The following WDR20 variants were observed in gnomAD, a reference collection of about 807,000 sequenced individuals.
WDR20 encodes the protein WD repeat-containing protein 20.
A neutral mutation model predicts 38.7 loss-of-function variants in WDR20; 3 were observed. The ratio of observed to expected loss-of-function variants is 0.08; its 90% CI spans 0.04 to 0.20. The LOEUF (loss-of-function observed/expected upper bound fraction) is 0.20, where lower values mean the gene tolerates loss of function less well. WDR20 is among the 10% of genes least tolerant of loss of function. WDR20 has a pLI of 1.00. For missense variants in WDR20, 559 were observed against 727.7 expected, an observed-to-expected ratio of 0.77 and a Z score of 2.67; for synonymous variants, 298 against 285.6, an observed-to-expected ratio of 1.04 and a Z score of -0.44.
chr14:102,202,396 T>C (rs1232880110), intron 2 of WDR20, among the ~76,000 whole-genome samples: 1 of 141,218 alleles, frequency 7.1e-6, no homozygotes, highest in Non-Finnish European at 1.5e-5. Flanking sequence ...TTTTTTTTTT[T>C]TGAGACGGAG....
chr14:102,219,368 C>T (rs1043111589), downstream of WDR20, among the ~76,000 whole-genome samples: 7 of 152,228 alleles, frequency 4.6e-5, no homozygotes, highest in African/African-American at 1.4e-4. Flanking sequence ...GCATGCAGGG[C>T]GCCGAGGCCC....
chr14:102,161,406 T>C (rs995027219), intron 1 of WDR20, among the ~76,000 whole-genome samples: 5 of 151,188 alleles, frequency 3.3e-5, no homozygotes, highest in Non-Finnish European at 5.9e-5. Flanking sequence ...TTCAGCCTCC[T>C]GGTCTCAAGC....
chr14:102,198,563 G>A (rs1304294629), intron 2 of WDR20: 1 of 154,622 alleles, frequency 6.5e-6, no homozygotes, highest in Non-Finnish European at 1.5e-5. Flanking sequence ...AGCACATGAG[G>A]GCCCTTGAGC....
At chr14:102,164,995 A>G (rs907880819) in intron 1 of WDR20, among the ~76,000 whole-genome samples, 1 of 152,224 alleles carries the variant, frequency 6.6e-6, no homozygotes, top group Non-Finnish European at 1.5e-5. Flanking sequence ...TCTACGACAT[A>G]TGCTCCGGCA....
At chr14:102,210,573 G>T, downstream of WDR20, 1 of 984,562 alleles carries the variant, frequency 1.0e-6, no homozygotes, top group Non-Finnish European at 1.2e-6. Flanking sequence ...TAAGATACCC[G>T]TACCTCACTC....
Position 102,222,764 on chromosome 14 carries a change from G to T in WDR20, c.1693-66G>T. Reference sequence around the variant, plus strand: ...TGACCACGTGGAGCTGCTGGCGGAGGGCGCGCATGGTGGCTGTTGCCCGTC... The same window carrying T: ...TGACCACGTGGAGCTGCTGGCGGAGTGCGCGCATGGTGGCTGTTGCCCGTC... On this transcript the variant is annotated intron_variant, in intron 3 of 3. Coordinates refer to the WDR20 transcript ENST00000335263. The surrounding 1 kb of genome is among the most constrained non-coding windows in gnomAD (Gnocchi z 4.4). 6.3e-7 allele frequency: 1 copy of T among 1,583,340 alleles called. No homozygotes were observed. The highest frequency in any genetic ancestry group is 8.7e-7 in the Non-Finnish European group (1 of 1,153,046).
chr14:102,162,737 A>G (rs774790964), intron 1 of WDR20, among the ~76,000 whole-genome samples: 1 of 151,932 alleles, frequency 6.6e-6, no homozygotes, highest in Non-Finnish European at 1.5e-5. Context: ...CAGTCTCCCA[A>G]ACAGTTGTGA....
Position 102,222,774 on chromosome 14 carries a change from G to C in WDR20, c.1693-56G>C. Reference sequence around the variant, plus strand: ...GAGCTGCTGGCGGAGGGCGCGCATGGTGGCTGTTGCCCGTCCGGTGTTTTG... The same window carrying C: ...GAGCTGCTGGCGGAGGGCGCGCATGCTGGCTGTTGCCCGTCCGGTGTTTTG... On this transcript the variant is annotated intron_variant, in intron 3 of 3. Transcript: ENST00000335263. This position sits in a 1 kb window ranked among gnomAD's most constrained non-coding sequence, Gnocchi z 4.4. 1 of 1,605,026 alleles carries C rather than the reference G, an allele frequency of 6.2e-7. No homozygotes were observed. The highest frequency in any genetic ancestry group is 8.5e-7 in the Non-Finnish European group (1 of 1,172,244).
chr14:102,212,680 G>A (rs1419608097), downstream of WDR20: 1 of 1,515,754 alleles, frequency 6.6e-7, no homozygotes, highest in South Asian at 1.2e-5. Flanking sequence ...CGCAGACCTG[G>A]GGAGGGCCTG....
intron 1 of WDR20, among the ~76,000 whole-genome samples, chr14:102,152,152 A>G (rs1035733623): frequency 2.6e-5 from 4 of 151,882 alleles, no homozygotes; most frequent in African/African-American, 4.8e-5. Flanking sequence ...CTGACCTGAT[A>G]TCATCCTCCC....
At chr14:102,159,759 G>C (rs1296411440) in intron 1 of WDR20, among the ~76,000 whole-genome samples, 6 of 151,816 alleles carry the variant, frequency 4.0e-5, no homozygotes, top group Non-Finnish European at 8.8e-5. Context: ...ATTTGAGCTG[G>C]GGAGACAGAG....
intron 1 of WDR20, among the ~76,000 whole-genome samples, chr14:102,179,189 T>C (rs1256210850): frequency 6.6e-6 from 1 of 152,092 alleles, no homozygotes. Flanking sequence ...GCAGCAACCT[T>C]TCAGCTTTTT....
chr14:102,167,288 C>A (rs1463668573), intron 1 of WDR20: 1 of 152,254 alleles, frequency 6.6e-6, no homozygotes, highest in Non-Finnish European at 1.5e-5. Flanking sequence ...TCATAGCCCA[C>A]CGGTAACCTC....
intron 2 of WDR20, among the ~76,000 whole-genome samples, chr14:102,205,649 C>T (rs540571711): frequency 2.6e-4 from 39 of 152,272 alleles, no homozygotes; most frequent in Middle Eastern, 6.8e-3. Context: ...ACAGACACTG[C>T]TGCCTGCCTG....
intron 1 of WDR20, among the ~76,000 whole-genome samples, chr14:102,169,557 G>A (rs1769957078): frequency 6.6e-6 from 1 of 151,948 alleles, no homozygotes; most frequent in African/African-American, 2.4e-5. Flanking sequence ...TTGAGGTGAA[G>A]TCTCACTCTT....
chr14:102,179,675 T>C (rs2062960376), intron 1 of WDR20, among the ~76,000 whole-genome samples: 1 of 152,074 alleles, frequency 6.6e-6, no homozygotes, highest in Non-Finnish European at 1.5e-5. Flanking sequence ...ACTTTGCCCT[T>C]CCTCACCCCC....
downstream of WDR20, chr14:102,214,798 G>A (rs959494913): frequency 1.0e-6 from 1 of 978,764 alleles, no homozygotes; most frequent in Non-Finnish European, 1.2e-6. Flanking sequence ...ATTCTTTACT[G>A]TTGCAATAAT....
At chr14:102,212,428 C>G (rs560317858), downstream of WDR20, 91 of 1,385,136 alleles carry the variant, frequency 6.6e-5, no homozygotes, top group East Asian at 2.1e-3. Flanking sequence ...ATGTCCTGAC[C>G]CCTGGCTCAG....
intron 1 of WDR20, among the ~76,000 whole-genome samples, chr14:102,186,779 G>A (rs1371855585): frequency 2.0e-5 from 3 of 152,018 alleles, no homozygotes; most frequent in South Asian, 2.1e-4. Context: ...GTGAAATCCC[G>A]TCTCTATTAA....
Sources: gnomAD v4.1 joint callset for allele counts (sites outside exome capture counted in the v4.1 genomes callset) on GRCh38, gnomAD v4.1.1 for gene constraint, Gnocchi (gnomAD v3.1) non-coding constraint, MANE v1.5 for transcripts, NCBI Gene and HGNC (gene_info 2026-07-23, HGNC 2026-07-21) for gene names.